The following STAB1 variants were observed in gnomAD, a reference collection of about 807,000 sequenced individuals.
STAB1 encodes the protein stabilin-1.
Under a neutral mutation model 332.4 loss-of-function variants are expected in STAB1, and 250 were observed. That is an observed-to-expected ratio of 0.75 (90% CI 0.68 to 0.84). The LOEUF (loss-of-function observed/expected upper bound fraction) is 0.84, where lower values mean the gene tolerates loss of function less well. STAB1 is among the 40% of genes least tolerant of loss of function. The probability of loss-of-function intolerance (pLI) is 0.00; values close to 1 mark genes in which losing one functional copy is unlikely to be tolerated. For missense variants in STAB1, 3,249 were observed against 3,489.7 expected (o/e 0.93, Z 1.74); for synonymous variants, 1,475 against 1,390.4 (o/e 1.06, Z -1.35).
At position 52,504,106 on chromosome 3, in the gene STAB1, G is replaced by A. The variant is rs77326452; in HGVS notation, c.1101G>A (p.Thr367=). 1.4e-3 allele frequency: 2,222 copies of A among 1,591,570 alleles called. 60 individuals are homozygous for A. The East Asian group carries it at 0.045, about 32-fold the overall frequency. ...GHLLHEVQKA[T]QTGRVFLQLR... is the part of the protein sequence containing the mutation. ...TGCTCCACGAGGTGCAGAAGGCCAC[G>A]CAGACAGGCCGGGTGTTCCTGCAGC... Residue 367 remains threonine (T), a synonymous_variant, in exon 10 of 69, where the codon ACG becomes ACA. Transcript: ENST00000321725.
Position 52,524,009 on chromosome 3 carries a change from G to T in STAB1, c.7534G>T (p.Ala2512Ser). The part of the protein sequence containing the change: ...RGKPMGFGFS[A>S]FQAEDDADDD... Reference sequence around the variant, plus strand: ...CAAGCCCATGGGCTTTGGCTTCTCTGCCTTCCAGGTAGGGCTGGGTTGGGG... The same window carrying T: ...CAAGCCCATGGGCTTTGGCTTCTCTTCCTTCCAGGTAGGGCTGGGTTGGGG... The change falls in exon 67 of 69, where the codon GCC (alanine) becomes TCC (serine). Residue 2512 changes from alanine to serine, a missense_variant. Coordinates refer to ENST00000321725, the MANE Select transcript of STAB1 (RefSeq NM_015136.3). The T allele has an allele frequency of 1.2e-6, 2 of 1,612,176 alleles. No homozygotes were observed. The highest frequency in any genetic ancestry group is 2.2e-5 in the South Asian group (2 of 91,004).
At chr3:52,518,698 C>T (rs2078959446) in intron 47 of STAB1, 25 bp from the exon 48 acceptor site, 1 of 1,612,048 alleles carries the variant, frequency 6.2e-7, no homozygotes, top group East Asian at 2.2e-5. Context: ...TCAGGGACCC[C>T]ACTCCCCTCG....
intron 1 of STAB1, among the ~76,000 whole-genome samples, chr3:52,498,291 C>T (rs868202030): frequency 6.6e-6 from 1 of 152,216 alleles, no homozygotes; most frequent in Non-Finnish European, 1.5e-5. Context: ...AGACAGCACC[C>T]GCTCTGGCTC....
At position 52,520,415 on chromosome 3, in the gene STAB1, G is replaced by A; in HGVS notation, c.5515G>A (p.Gly1839Ser). The change falls in exon 53 of 69, where the codon GGT (glycine) becomes AGT (serine). Residue 1839 changes from glycine to serine, a missense_variant. By Grantham distance (56) the Gly-to-Ser change is moderately conservative (BLOSUM62 0). Coordinates refer to ENST00000321725, the MANE Select transcript of STAB1 (RefSeq NM_015136.3). ...CTCCTTGCAGGGTGAGCTCATGGTGGGTGAGGATGATGCTCGCATTGTGCA... is the reference window on the plus strand; with the variant it reads ...CTCCTTGCAGGGTGAGCTCATGGTGAGTGAGGATGATGCTCGCATTGTGCA... ...SRTRAGELMV[G>S]EDDARIVQRH... is the part of the protein sequence containing the mutation. 3 of 1,612,040 alleles carry A rather than the reference G, an allele frequency of 1.9e-6. No homozygotes were observed. Among genetic ancestry groups the A allele is most frequent in the Non-Finnish European group, 2.5e-6 (3 of 1,179,198 alleles).
chr3:52,521,853 C>T lies in STAB1; in HGVS notation c.6173C>T (p.Pro2058Leu). 1.3e-6 allele frequency: 2 copies of T among 1,598,144 alleles called. No individual in the cohort carries two copies. Among genetic ancestry groups the T allele is most frequent in the Non-Finnish European group, 1.7e-6 (2 of 1,170,868 alleles). ...GGGCCCTGGGGGACAGAGCTGCAGC[C>T]TGTGTGTACCCCACCCTGTGCACCC... is the stretch of plus-strand genomic sequence containing the variant. ...PRCEVQLELQPVCTPPCAPEA... is the reference protein window; with the variant it reads ...PRCEVQLELQLVCTPPCAPEA... The change falls in exon 58 of 69, where the codon CCT becomes CTT. Residue 2058 changes from proline (P) to leucine (L), a missense_variant. By Grantham distance (98) the Pro-to-Leu change is moderately conservative. Transcript: ENST00000321725.
rs757239445 is a variant in STAB1 at position 52,509,959 on chromosome 3, C to T, written c.2437C>T (p.Arg813Trp). Residue 813 changes from arginine (R) to tryptophan (W), a missense_variant, in exon 23 of 69, where the codon CGG (arginine) becomes TGG (tryptophan). Arg to Trp is a moderately radical substitution (Grantham distance 101). Coordinates refer to ENST00000321725, the MANE Select transcript of STAB1 (RefSeq NM_015136.3). Reference protein sequence around the residue: ...QGTCAPGFSGRFCNESMGDCG... With the variant: ...QGTCAPGFSGWFCNESMGDCG... ...CACGTGTGCCCCTGGCTTCAGTGGC[C>T]GGTTCTGCAACGAGTCCATGGGGGA... is the stretch of plus-strand genomic sequence containing the variant. 22 of 1,612,516 alleles carry T rather than the reference C, an allele frequency of 1.4e-5. No homozygotes were observed. The highest frequency in any genetic ancestry group is 4.4e-5 in the South Asian group (4 of 91,000).
At chr3:52,517,168 T>C in intron 42 of STAB1, 59 bp downstream of exon 42, 2 of 1,510,272 alleles carry the variant, frequency 1.3e-6, no homozygotes, top group Non-Finnish European at 1.8e-6. Flanking sequence ...TTCAGTGATC[T>C]GAGTCAGATT....
At chr3:52,521,312 C>A (rs1440367615) in intron 55 of STAB1, 49 bp from the exon 56 acceptor site, 2 of 1,610,640 alleles carry the variant, frequency 1.2e-6, no homozygotes, top group East Asian at 2.2e-5. Context: ...ATATGGGGGT[C>A]CTGGTGAGAG....
In STAB1 at chr3:52,521,396, C is replaced by T. The variant is rs1235665992; in HGVS notation, c.5944C>T (p.Arg1982Cys). 1.7e-5 allele frequency: 28 copies of T among 1,613,868 alleles called. No individual in the cohort carries two copies. Among genetic ancestry groups the T allele is most frequent in the Non-Finnish European group, 2.1e-5 (25 of 1,180,020 alleles). The change falls in exon 56 of 69, where the codon CGT becomes TGT. Residue 1982 changes from arginine to cysteine, a missense_variant. Coordinates refer to ENST00000321725, the MANE Select transcript of STAB1 (RefSeq NM_015136.3). ...CGGCCCCAGCAGCCCTTGTAGTGAC[C>T]GTGGCGTGTGCATGGACGGCATGAG... ...PGGPSSPCSD[R>C]GVCMDGMSGS...
chr3:52,518,329 G>A lies in STAB1; in HGVS notation c.4779G>A (p.Lys1593=). 2 of 1,612,858 alleles carry A rather than the reference G, an allele frequency of 1.2e-6. No individual in the cohort carries two copies. Among genetic ancestry groups the A allele is most frequent in the Non-Finnish European group, 1.7e-6 (2 of 1,179,932 alleles). The change falls in exon 46 of 69, where the codon AAG becomes AAA. Residue 1593 remains lysine (K), a synonymous_variant. Transcript: ENST00000321725. ...ARVGLELLRD[K]HASFFSLRLL... The stretch of plus-strand genomic sequence containing the variant: ...CCCCCCAGGAGCTCCTGAGGGATAA[G>A]CATGCCTCATTCTTCAGCCTCCGCC...
At chr3:52,514,334 C>A in intron 33 of STAB1, 31 bp from the exon 34 acceptor site, 1 of 1,556,508 alleles carries the variant, frequency 6.4e-7, no homozygotes, top group Admixed American at 1.8e-5. Flanking sequence ...GGTTATCCTG[C>A]AGTCCCCTGG....
In STAB1 at chr3:52,522,951, C is replaced by T. The variant is rs560375421; in HGVS notation, c.6910+11C>T. The T allele has an allele frequency of 1.2e-5, 20 of 1,609,694 alleles. No homozygotes were observed. The highest frequency in any genetic ancestry group is 1.7e-5 in the Admixed American group (1 of 59,918). On this transcript the variant is annotated intron_variant, in intron 62 of 68. Coordinates refer to ENST00000321725, the MANE Select transcript of STAB1 (RefSeq NM_015136.3). ...GCTTCCGTGTGCAAGGTGTGTCCAC[C>T]CGACCAAACCCTACTTCCCCTGCTC...
chr3:52,517,241 G>T, intron 42 of STAB1, 79 bp from the exon 43 acceptor site: 2 of 1,493,604 alleles, frequency 1.3e-6, no homozygotes, highest in South Asian at 2.7e-5. Context: ...AGGAGGGGGT[G>T]GGACAGATGA....
intron 18 of STAB1, 41 bp downstream of exon 18, chr3:52,506,891 C>T (rs750454831): frequency 2.5e-6 from 4 of 1,601,422 alleles, no homozygotes; most frequent in African/African-American, 2.7e-5. Flanking sequence ...CTCACTAACC[C>T]CTGTCAGCGC....
chr3:52,507,492 G>A (rs1708963093), intron 18 of STAB1, 121 bp from the exon 19 acceptor site: 2 of 1,061,404 alleles, frequency 1.9e-6, no homozygotes, highest in Non-Finnish European at 2.7e-6. Context: ...TGCCAGTGCT[G>A]GGCTTCCTGT....
intron 57 of STAB1, 72 bp downstream of exon 57, chr3:52,521,772 G>A: frequency 1.2e-6 from 2 of 1,603,024 alleles, no homozygotes; most frequent in South Asian, 2.2e-5. Flanking sequence ...AGGCACCAAG[G>A]GTGGGTGGAA....
chr3:52,507,380 C>T (rs1708954795), intron 18 of STAB1, among the ~76,000 whole-genome samples: 1 of 152,226 alleles, frequency 6.6e-6, no homozygotes, highest in Admixed American at 6.5e-5. Flanking sequence ...GCTCCATCCC[C>T]TTTCACTCAC....
chr3:52,505,605 A>AG, intron 14 of STAB1, 63 bp from the exon 15 acceptor site: 1 of 1,534,026 alleles, frequency 6.5e-7, no homozygotes, highest in Non-Finnish European at 8.9e-7. Context: ...GGCAGGGCCC[A>AG]GGCAGGACTC....
chr3:52,522,043 A>C lies in STAB1; in HGVS notation c.6278A>C (p.Asp2093Ala). The change falls in exon 59 of 69, where the codon GAC becomes GCC. Residue 2093 changes from aspartate to alanine, a missense_variant. Transcript: ENST00000321725. The part of the protein sequence containing the change: ...EGDGRVCTVA[D>A]LCQDGHGGCS... Reference sequence around the variant, plus strand: ...ACTCCCTCCCTGCCCTCAGTGGCAGACCTGTGCCAGGACGGGCATGGTGGC... The same window carrying C: ...ACTCCCTCCCTGCCCTCAGTGGCAGCCCTGTGCCAGGACGGGCATGGTGGC... 7 of 1,613,302 alleles carry C rather than the reference A, an allele frequency of 4.3e-6. No individual in the cohort carries two copies. The highest frequency in any genetic ancestry group is 5.9e-6 in the Non-Finnish European group (7 of 1,179,902).
Sources: allele counts gnomAD v4.1 joint callset (sites outside exome capture counted in the v4.1 genomes callset), GRCh38; gene constraint gnomAD v4.1.1; transcripts MANE v1.5; gene names NCBI Gene and HGNC (gene_info 2026-07-23, HGNC 2026-07-21).